Variants in PALM2AKAP2 observed in about 807,000 individuals in gnomAD.
The protein encoded by PALM2AKAP2 is PALM2 and AKAP2 fusion, also known as PALM2-AKAP2 fusion protein.
A neutral mutation model predicts 71.5 loss-of-function variants in PALM2AKAP2; 37 were observed. That is an observed-to-expected ratio of 0.52 (90% CI 0.40 to 0.68). PALM2AKAP2 has a LOEUF of 0.68. Ranked by LOEUF, PALM2AKAP2 falls within the 30% of genes least tolerant of loss-of-function variation. The pLI is 0.00. For missense variants in PALM2AKAP2, 1,224 were observed against 1,191.8 expected (o/e 1.03, Z -0.40); for synonymous variants, 468 against 478.8 (o/e 0.98, Z 0.29).
chr9:109,838,996 A>G (rs891874490), intron 1 of PALM2AKAP2, among the ~76,000 whole-genome samples: 3 of 152,222 alleles, frequency 2.0e-5, no homozygotes, highest in South Asian at 2.1e-4. Flanking sequence ...AACGATTCCA[A>G]TGAATAGGAA....
At chr9:110,106,478 G>A (rs1052664553) in intron 1 of PALM2AKAP2, among the ~76,000 whole-genome samples, 6 of 152,188 alleles carry the variant, frequency 3.9e-5, no homozygotes, top group Non-Finnish European at 5.9e-5. Context: ...TGCTGGGGGG[G>A]ATGTGTAAGG....
At chr9:109,696,610 T>C (rs1004398001) in intron 1 of PALM2AKAP2, among the ~76,000 whole-genome samples, 6 of 152,226 alleles carry the variant, frequency 3.9e-5, no homozygotes, top group African/African-American at 1.4e-4. Context: ...GGTACACATA[T>C]ACAAAGACAT....
At chr9:109,836,819 A>G (rs1053970475) in intron 1 of PALM2AKAP2, among the ~76,000 whole-genome samples, 1 of 152,234 alleles carries the variant, frequency 6.6e-6, no homozygotes, top group Non-Finnish European at 1.5e-5. Context: ...TGAGAAGAGA[A>G]GTTTAGAGAA....
In PALM2AKAP2 at chr9:109,971,226, C is replaced by T. The variant is rs147429610; in HGVS notation, c.496+39198C>T. Among the ~76,000 whole-genome samples the T allele has an allele frequency of 8.2e-3, 1,234 of 149,630 alleles. 12 individuals carry two copies. The highest frequency in any genetic ancestry group is 0.01 in the Non-Finnish European group (688 of 67,710). On this transcript the variant is annotated intron_variant, in intron 6 of 9. Transcript: ENST00000302798. ...GCTCAGTAAATATCAGTGAATGAAT[C>T]CATCTCCTTATCCAATGCTGAACTT...
intron 1 of PALM2AKAP2, among the ~76,000 whole-genome samples, chr9:110,083,316 A>G (rs1239671032): frequency 2.6e-5 from 4 of 151,966 alleles, no homozygotes; most frequent in African/African-American, 9.7e-5. Flanking sequence ...CACTTAGGGG[A>G]GTTTTTTTTA....
rs1564324032 is a variant in PALM2AKAP2, at chr9:110,135,167, AT to A, written c.157-959del. 3.9e-3 allele frequency among the ~76,000 whole-genome samples: 211 copies of A among 53,474 alleles called. 25 individuals are homozygous for A. Among genetic ancestry groups the A allele is most frequent in the East Asian group, 0.025 (16 of 646 alleles). 35.1% of individuals were successfully genotyped at this position (53,474 alleles called of 152,430 possible). On this transcript the variant is annotated intron_variant, in intron 1 of 3. Transcript: ENST00000374525. ...TCTGTCTCTACAAAAAAAAAAAAATATATAAATATATATATATATATAAATC... is the reference window on the plus strand; with the variant it reads ...TCTGTCTCTACAAAAAAAAAAAAATAATAAATATATATATATATATAAATC...
intron 1 of PALM2AKAP2, among the ~76,000 whole-genome samples, chr9:109,800,989 A>G (rs188657412): frequency 8.7e-4 from 133 of 152,318 alleles, no homozygotes; most frequent in African/African-American, 3.0e-3. Flanking sequence ...CTCAAGCTGT[A>G]TAGCAGTAAA....
chr9:109,656,167 A>G (rs1479453563), intron 1 of PALM2AKAP2, among the ~76,000 whole-genome samples: 1 of 152,178 alleles, frequency 6.6e-6, no homozygotes, highest in East Asian at 1.9e-4. Context: ...CTCATGTAAC[A>G]TAGGAGGAAG....
Position 109,869,103 on chromosome 9 carries a change from C to G in PALM2AKAP2, c.126+1532C>G, listed in dbSNP as rs145677177. On this transcript the variant is annotated intron_variant, in intron 2 of 9. Transcript: ENST00000302798. The stretch of plus-strand genomic sequence containing the variant: ...AGAGGACCGAATGAAAAAAGAGAGG[C>G]TGCTTTGGGCTAGACAGCCTCACTT... 5.8e-4 allele frequency among the ~76,000 whole-genome samples: 88 copies of G among 152,308 alleles called. 1 individual carries two copies. The East Asian group carries it at 0.015, about 27-fold the overall frequency.
At chr9:109,943,156 G>A (rs2132045929) in intron 6 of PALM2AKAP2, 2 of 1,614,254 alleles carry the variant, frequency 1.2e-6, no homozygotes, top group Non-Finnish European at 8.5e-7. Context: ...TATCGAGGAT[G>A]AAGAGGAGAC....
chr9:110,011,233 T>C (rs562753622), intron 6 of PALM2AKAP2, among the ~76,000 whole-genome samples: 68 of 148,482 alleles, frequency 4.6e-4, no homozygotes, highest in African/African-American at 1.6e-3. Context: ...TGTATATTTC[T>C]ATTATATATA....
intron 7 of PALM2AKAP2, among the ~76,000 whole-genome samples, chr9:110,031,731 G>A (rs1833280655): frequency 6.6e-6 from 1 of 152,154 alleles, no homozygotes; most frequent in African/African-American, 2.4e-5. Flanking sequence ...TCATGACTTT[G>A]TCACAGTGCT....
chr9:110,028,889 C>T (rs1388627010), intron 7 of PALM2AKAP2, among the ~76,000 whole-genome samples: 13 of 148,802 alleles, frequency 8.7e-5, no homozygotes, highest in South Asian at 2.1e-4. Flanking sequence ...TGAAGGGAAC[C>T]GCGTAATGTG....
intron 1 of PALM2AKAP2, among the ~76,000 whole-genome samples, chr9:109,672,558 G>A (rs781359969): frequency 1.3e-5 from 2 of 151,894 alleles, no homozygotes; most frequent in Admixed American, 6.6e-5. Context: ...TTGGCTTAAA[G>A]TTTTCTTTTT....
chr9:109,981,407 G>A (rs1371398607), intron 6 of PALM2AKAP2, among the ~76,000 whole-genome samples: 2 of 152,316 alleles, frequency 1.3e-5, no homozygotes, highest in East Asian at 3.9e-4. Context: ...GAACAGAGAA[G>A]TAGCGGAATG....
chr9:109,783,322 CT>C (rs11302433), intron 1 of PALM2AKAP2, among the ~76,000 whole-genome samples: 72,779 of 145,336 alleles, frequency 0.5, 19,459 homozygotes, highest in African/African-American at 0.71. Context: ...GTATTAATGA[CT>C]TTTTTTTTTT....
intron 7 of PALM2AKAP2, among the ~76,000 whole-genome samples, chr9:110,032,861 G>A (rs940520476): frequency 6.6e-6 from 1 of 151,800 alleles, no homozygotes; most frequent in Non-Finnish European, 1.5e-5. Context: ...ACTTGAGCCT[G>A]GGAGGATGAG....
intron 1 of PALM2AKAP2, among the ~76,000 whole-genome samples, chr9:109,647,649 T>C (rs1370853113): frequency 6.6e-6 from 1 of 152,234 alleles, no homozygotes; most frequent in Non-Finnish European, 1.5e-5. Flanking sequence ...TTGACTAGTC[T>C]AACTTGATGT....
At chr9:109,819,073 C>T (rs986609419) in intron 1 of PALM2AKAP2, among the ~76,000 whole-genome samples, 3 of 152,116 alleles carry the variant, frequency 2.0e-5, no homozygotes, top group African/African-American at 4.8e-5. Flanking sequence ...AAGTGAGAGG[C>T]GAACAGATGA....
Sources: allele counts gnomAD v4.1 joint callset (sites outside exome capture counted in the v4.1 genomes callset), GRCh38; gene constraint gnomAD v4.1.1; transcripts MANE v1.5; gene names NCBI Gene and HGNC (gene_info 2026-07-23, HGNC 2026-07-21).